SMAP2: variants seen among roughly 807,000 people sequenced by gnomAD.
SMAP2 encodes the protein small ArfGAP2.
A neutral mutation model predicts 56.4 loss-of-function variants in SMAP2; 25 were observed. That is an observed-to-expected ratio of 0.44 (90% confidence interval 0.32 to 0.62). The LOEUF is 0.62. SMAP2 is among the 20% of genes least tolerant of loss of function. The pLI is 0.04. For synonymous variants in SMAP2, 157 were observed against 181.7 expected (o/e 0.86, Z 1.09); for missense variants, 388 against 545.6 (o/e 0.71, Z 2.88).
intron 2 of SMAP2, among the ~76,000 whole-genome samples, chr1:40,366,327 G>A (rs1279610872): frequency 1.4e-5 from 2 of 144,198 alleles, no homozygotes; most frequent in South Asian, 2.3e-4. Context: ...GCAGGCCAAC[G>A]TTCAGATTCA....
rs1644520442 is a variant in SMAP2, at chr1:40,374,341, G to C, written c.103+118G>C. ...CCCAACTCGGCTTATAAGTGGTAAC[G>C]CGTGCTGCGCTTGCAGTGAGCCTAC... On this transcript the variant is annotated intron_variant, in intron 1 of 9. Transcript: ENST00000372718. This position sits in a 1 kb window ranked among gnomAD's most constrained non-coding sequence, Gnocchi z 5.9. 1.2e-6 allele frequency: 1 copy of C among 847,470 alleles called. No homozygotes were observed. Among genetic ancestry groups the C allele is most frequent in the Non-Finnish European group, 1.9e-6 (1 of 513,496 alleles). 52.5% of individuals were successfully genotyped at this position (847,470 alleles called of 1,614,324 possible).
rs755242506 is a variant in SMAP2, at chr1:40,414,154, C to G, written c.490-5C>G. 46 of 1,613,680 alleles carry G rather than the reference C, an allele frequency of 2.9e-5. No homozygotes were observed. Among genetic ancestry groups the G allele is most frequent in the Non-Finnish European group, 3.7e-5 (44 of 1,179,740 alleles). On this transcript the variant is annotated splice_polypyrimidine_tract_variant and splice_region_variant and intron_variant, in intron 5 of 9. Coordinates refer to ENST00000372718, the MANE Select transcript of SMAP2 (RefSeq NM_022733.3). Reference sequence around the variant, plus strand: ...ATTTCTTGCTATAACATATTTTCACCTTAGCCACAGAAAAAAGAAGACCCA... The same window carrying G: ...ATTTCTTGCTATAACATATTTTCACGTTAGCCACAGAAAAAAGAAGACCCA...
chr1:40,403,352 A>G (rs1194227289), intron 1 of SMAP2, among the ~76,000 whole-genome samples: 1 of 152,162 alleles, frequency 6.6e-6, no homozygotes, highest in Admixed American at 6.5e-5. Flanking sequence ...CTAAAATACA[A>G]AAATTAGTGG....
chr1:40,400,986 G>A (rs1258884359), intron 1 of SMAP2, among the ~76,000 whole-genome samples: 2 of 152,154 alleles, frequency 1.3e-5, no homozygotes, highest in South Asian at 2.1e-4. Context: ...CTGGTTGGGC[G>A]CGGTGGCTCA....
At position 40,374,044 on chromosome 1, in the gene SMAP2, C is replaced by T. The variant is rs2124199924; in HGVS notation, c.-77C>T. The T allele has an allele frequency of 8.4e-7, 1 of 1,195,728 alleles. No individual in the cohort carries two copies. Among genetic ancestry groups the T allele is most frequent in the East Asian group, 2.5e-5 (1 of 39,614 alleles). 74.1% of individuals were successfully genotyped at this position (1,195,728 alleles called of 1,614,324 possible). On this transcript the variant is annotated 5_prime_UTR_variant, in exon 1 of 10. Coordinates refer to ENST00000372718, the MANE Select transcript of SMAP2 (RefSeq NM_022733.3). The surrounding 1 kb of genome is among the most constrained non-coding windows in gnomAD (Gnocchi z 5.9). ...GCCCCTGGGCGGGGGACCGGGAGTC[C>T]TCAACCCCGGACTGAGGCAGGGGTC... is the stretch of plus-strand genomic sequence containing the variant.
At chr1:40,380,966 ACT>A (rs1455662398) in intron 1 of SMAP2, among the ~76,000 whole-genome samples, 22 of 152,242 alleles carry the variant, frequency 1.4e-4, no homozygotes, top group African/African-American at 4.6e-4. Flanking sequence ...GTGCACTATA[ACT>A]CTGACAGTCA....
chr1:40,390,552 G>C (rs1644705708), intron 1 of SMAP2, among the ~76,000 whole-genome samples: 2 of 152,154 alleles, frequency 1.3e-5, no homozygotes. Context: ...TTCTTTTTGA[G>C]GAAGGGGAGT....
chr1:40,401,869 T>A (rs547239511), intron 1 of SMAP2, among the ~76,000 whole-genome samples: 1 of 152,368 alleles, frequency 6.6e-6, no homozygotes, highest in African/African-American at 2.4e-5. Flanking sequence ...GTTGATTTCT[T>A]GACTGATCAA....
intron 9 of SMAP2, among the ~76,000 whole-genome samples, chr1:40,421,021 TGTC>T (rs1160703343): frequency 1.3e-5 from 2 of 151,876 alleles, no homozygotes; most frequent in Admixed American, 6.6e-5. Context: ...AGGAATGAAA[TGTC>T]GTGATAGCTG....
At chr1:40,409,979 A>C in intron 4 of SMAP2, 144 bp downstream of exon 4, 5 of 598,790 alleles carry the variant, frequency 8.4e-6, no homozygotes, top group East Asian at 2.9e-5. Flanking sequence ...GTGGTGGCTC[A>C]TCCCCTAATC....
intron 1 of SMAP2, chr1:40,393,503 C>T (rs1212819087): frequency 5.3e-6 from 8 of 1,509,192 alleles, no homozygotes; most frequent in South Asian, 1.2e-5. Context: ...TTGTGAGAGA[C>T]TGTAAGTTGA....
chr1:40,411,505 G>A (rs941440024), intron 4 of SMAP2, among the ~76,000 whole-genome samples: 2 of 152,110 alleles, frequency 1.3e-5, no homozygotes, highest in Non-Finnish European at 2.9e-5. Flanking sequence ...TTTCATTGCT[G>A]GTATACTGTA....
chr1:40,372,701 G>A (rs1346382917), upstream of SMAP2, among the ~76,000 whole-genome samples: 3 of 152,188 alleles, frequency 2.0e-5, no homozygotes, highest in African/African-American at 7.2e-5. Context: ...AAGAAATGGA[G>A]GAGAGGGTTT....
At chr1:40,365,656 G>T (rs1050416572) in intron 2 of SMAP2, among the ~76,000 whole-genome samples, 5 of 152,092 alleles carry the variant, frequency 3.3e-5, no homozygotes, top group African/African-American at 1.2e-4. Context: ...CTGTTAGAAG[G>T]AAAACTAACA....
intron 1 of SMAP2, among the ~76,000 whole-genome samples, chr1:40,399,310 A>ATTTTTTTTTTTTTTTTTTTTTTT (rs747127620): frequency 3.3e-5 from 3 of 91,956 alleles, no homozygotes; most frequent in South Asian, 4.2e-4. Context: ...ACGTGTGGCT[A>ATTTTTTTTTTTTTTTTTTTTTTT]TTTTTTTTTT....
chr1:40,403,623 A>G (rs1644857645), intron 1 of SMAP2: 1 of 984,362 alleles, frequency 1.0e-6, no homozygotes, highest in Non-Finnish European at 1.2e-6. Flanking sequence ...GGGTTCTGGA[A>G]ACCTTATTCT....
At chr1:40,401,262 C>G (rs555859106) in intron 1 of SMAP2, among the ~76,000 whole-genome samples, 13 of 152,190 alleles carry the variant, frequency 8.5e-5, no homozygotes, top group African/African-American at 3.1e-4. Flanking sequence ...GATTCCGTCT[C>G]AAAACAAACA....
At chr1:40,417,126 A>C in intron 9 of SMAP2, 30 bp downstream of exon 9, 1 of 1,546,670 alleles carries the variant, frequency 6.5e-7, no homozygotes, top group Non-Finnish European at 8.8e-7. Context: ...TTGCAGCAAG[A>C]GTTTTGAGCC....
At chr1:40,363,994 A>G (rs1644469374) in intron 2 of SMAP2, among the ~76,000 whole-genome samples, 1 of 152,228 alleles carries the variant, frequency 6.6e-6, no homozygotes, top group Non-Finnish European at 1.5e-5. Flanking sequence ...AGCTCATAGT[A>G]AAACAGGGAG....
Sources: gnomAD v4.1 joint callset for allele counts (sites outside exome capture counted in the v4.1 genomes callset) on GRCh38, gnomAD v4.1.1 for gene constraint, Gnocchi (gnomAD v3.1) non-coding constraint, MANE v1.5 for transcripts, NCBI Gene and HGNC (gene_info 2026-07-23, HGNC 2026-07-21) for gene names.